Variants in LIG1 observed in about 807,000 individuals in gnomAD.
LIG1 encodes DNA ligase 1, also known as ligase I, DNA, ATP-dependent.
Under a neutral mutation model 115.7 loss-of-function variants are expected in LIG1, and 70 were observed. That is an observed-to-expected ratio of 0.60 (90% CI 0.50 to 0.74). LIG1 has a LOEUF of 0.74. Ranked by LOEUF, LIG1 falls within the 30% of genes least tolerant of loss-of-function variation. The pLI is 0.00. For synonymous variants in LIG1, 487 were observed against 495.3 expected, an observed-to-expected ratio of 0.98 and a Z score of 0.22; for missense variants, 1,115 against 1,225.6, an observed-to-expected ratio of 0.91 and a Z score of 1.35.
intron 26 of LIG1, among the ~76,000 whole-genome samples, chr19:48,116,543 T>C (rs2032847968): frequency 6.6e-6 from 1 of 151,870 alleles, no homozygotes; most frequent in African/African-American, 2.4e-5. Context: ...GGGTATGGGT[T>C]CTAGAATCTG....
intron 16 of LIG1, among the ~76,000 whole-genome samples, chr19:48,135,383 A>C (rs1379085294): frequency 1.3e-5 from 2 of 152,066 alleles, no homozygotes; most frequent in Non-Finnish European, 2.9e-5. Flanking sequence ...TCAGGCTCCC[A>C]AGTGCTGGGA....
chr19:48,123,559 G>A, intron 21 of LIG1: 2 of 576,024 alleles, frequency 3.5e-6, no homozygotes, highest in South Asian at 4.1e-5. Flanking sequence ...ATCAGACGGG[G>A]GGCTGCGGCC....
chr19:48,167,848 A>C (rs1278557868), intron 1 of LIG1, among the ~76,000 whole-genome samples: 1 of 151,012 alleles, frequency 6.6e-6, no homozygotes, highest in Non-Finnish European at 1.5e-5. Context: ...AAAAAAAAAA[A>C]AACAAACAAA....
rs145044234 is a variant in LIG1 at position 48,156,608 on chromosome 19, G to T, written c.370+406C>A. Among the ~76,000 whole-genome samples, 310 of 152,300 alleles carry T rather than the reference G, an allele frequency of 2.0e-3. 3 individuals are homozygous for T. Among genetic ancestry groups the T allele is most frequent in the African/African-American group, 7.2e-3 (301 of 41,572 alleles). The stretch of plus-strand genomic sequence containing the variant: ...CCACAACACTAAGACCAGAGCTGTT[G>T]TAAGGATGACTACCTTGGATGGGAA... On this transcript the variant is annotated intron_variant, in intron 5 of 27. Coordinates refer to ENST00000263274, the MANE Select transcript of LIG1 (RefSeq NM_000234.3).
In LIG1 at chr19:48,170,341, G is replaced by A. The variant is rs745981830; in HGVS notation, c.-158C>T. 4.8e-4 allele frequency: 211 copies of A among 437,194 alleles called. 1 individual carries two copies. The highest frequency in any genetic ancestry group is 8.3e-4 in the Non-Finnish European group (181 of 217,788). 27.1% of individuals were successfully genotyped at this position (437,194 alleles called of 1,614,324 possible). ...CGCGCCACGGCATTCGCGCGCAGAC[G>A]TCTGCGGGCGGGGGCGGGGCAGAGC... On this transcript the variant is annotated 5_prime_UTR_variant, in exon 1 of 28. It adds an upstream start codon to the 5' untranslated region. Coordinates refer to ENST00000263274, the MANE Select transcript of LIG1 (RefSeq NM_000234.3).
chr19:48,151,505 C>T (rs576011809), intron 6 of LIG1, 166 bp from the exon 7 acceptor site: 2 of 554,764 alleles, frequency 3.6e-6, no homozygotes, highest in South Asian at 1.8e-5. Context: ...TCTTGGCTCA[C>T]TGCAACCTCT....
At chr19:48,123,854 TAA>T (rs1555766307) in intron 21 of LIG1, among the ~76,000 whole-genome samples, 6 of 137,236 alleles carry the variant, frequency 4.4e-5, no homozygotes, top group African/African-American at 1.0e-4. Flanking sequence ...CCAAGATAAT[TAA>T]AAAAAAAAAA....
intron 4 of LIG1, 58 bp downstream of exon 4, chr19:48,161,314 A>G (rs1440756126): frequency 1.2e-6 from 2 of 1,611,572 alleles, no homozygotes; most frequent in African/African-American, 2.7e-5. Context: ...ACTCTGTTCC[A>G]AAGGTTAATG....
intron 21 of LIG1, among the ~76,000 whole-genome samples, chr19:48,124,347 C>T (rs1042193664): frequency 2.0e-4 from 30 of 152,214 alleles, no homozygotes; most frequent in African/African-American, 5.5e-4. Context: ...CCCAGCCACA[C>T]GCTTCCTAGC....
At chr19:48,157,794 G>T (rs1033664822) in intron 4 of LIG1, among the ~76,000 whole-genome samples, 2 of 152,130 alleles carry the variant, frequency 1.3e-5, no homozygotes, top group African/African-American at 4.8e-5. Flanking sequence ...CGATCCTCCC[G>T]CCTTGGCCTC....
intron 4 of LIG1, among the ~76,000 whole-genome samples, chr19:48,157,693 C>T (rs148349839): frequency 0.042 from 6,374 of 152,150 alleles, 316 homozygotes; most frequent in African/African-American, 0.11. Context: ...AACAGGCGCC[C>T]GCCACCACGC....
chr19:48,137,862 C>T lies in LIG1; in HGVS notation c.1088-174G>A. 2 of 755,498 alleles carry T rather than the reference C, an allele frequency of 2.6e-6. No homozygotes were observed. Among genetic ancestry groups the T allele is most frequent in the South Asian group, 1.7e-5 (1 of 59,176 alleles). The allele number at this position is 755,498 out of a possible 1,614,324, so 46.8% of individuals were successfully genotyped here. A position where few individuals can be genotyped will look rare whatever the true frequency, so the allele number is the denominator to read the frequency against. ...TAGAAATGGCTTGGGGAACGTGCCC[C>T]CAGCCACGCTGGCTGTAGGAAGTCA... On this transcript the variant is annotated intron_variant, in intron 12 of 27. Transcript: ENST00000263274. The surrounding 1 kb of genome is among the most constrained non-coding windows in gnomAD (Gnocchi z 4.3).
At position 48,145,063 on chromosome 19, in the gene LIG1, A is replaced by G. The variant is rs187333974; in HGVS notation, c.777-1100T>C. ...GCTAGGACTACAGGTGCAAGCAACC[A>G]TGCCCGACTGATCTTTGTAGAGATG... On this transcript the variant is annotated intron_variant, in intron 9 of 27. Coordinates refer to ENST00000263274, the MANE Select transcript of LIG1 (RefSeq NM_000234.3). 2.6e-5 allele frequency among the ~76,000 whole-genome samples: 4 copies of G among 152,314 alleles called. No individual in the cohort carries two copies. In the East Asian group the frequency reaches 7.7e-4, roughly 29 times the overall value.
At chr19:48,133,160 AGAG>A (rs1180432593) in intron 17 of LIG1, 63 bp from the exon 18 acceptor site, 10 of 1,059,986 alleles carry the variant, frequency 9.4e-6, no homozygotes, top group East Asian at 2.4e-5. Flanking sequence ...GGGAACATGG[AGAG>A]GAGAACTGCT....
chr19:48,163,044 A>T (rs2123042590), intron 2 of LIG1, among the ~76,000 whole-genome samples: 1 of 151,372 alleles, frequency 6.6e-6, no homozygotes, highest in South Asian at 2.1e-4. Context: ...CCTCCCGAGT[A>T]GCTGGGATTA....
At position 48,137,317 on chromosome 19, in the gene LIG1, G is replaced by A. The variant is rs2034453761; in HGVS notation, c.1254+205C>T. On this transcript the variant is annotated intron_variant, in intron 13 of 27. Coordinates refer to ENST00000263274, the MANE Select transcript of LIG1 (RefSeq NM_000234.3). The surrounding 1 kb of genome is among the most constrained non-coding windows in gnomAD (Gnocchi z 4.3). ...AAGTATTTACTGAGTCCTGTCATGT[G>A]GCAGCCATGGCATTAGGTCTGCTAG... is the stretch of plus-strand genomic sequence containing the variant. 6.6e-6 allele frequency among the ~76,000 whole-genome samples: 1 copy of A among 152,226 alleles called. No homozygotes were observed. The highest frequency in any genetic ancestry group is 2.4e-5 in the African/African-American group (1 of 41,474).
chr19:48,159,581 T>C (rs2036053123), intron 4 of LIG1, among the ~76,000 whole-genome samples: 1 of 152,236 alleles, frequency 6.6e-6, no homozygotes, highest in South Asian at 2.1e-4. Context: ...GGGATTACCC[T>C]GGACTATCCA....
rs1568569019 is a variant in LIG1, at chr19:48,170,258, C to A, written c.-75G>T. 2 of 455,216 alleles carry A rather than the reference C, an allele frequency of 4.4e-6. No individual in the cohort carries two copies. Among genetic ancestry groups the A allele is most frequent in the Middle Eastern group, 3.3e-4 (1 of 3,064 alleles). The allele number at this position is 455,216 out of a possible 1,614,324, so 28.2% of individuals were successfully genotyped here. ...CCACTTGCCTTGCGTTGGTCCCGCGCGCCGCTGCCCGGGCAACACACTCAG... is the reference window on the plus strand; with the variant it reads ...CCACTTGCCTTGCGTTGGTCCCGCGAGCCGCTGCCCGGGCAACACACTCAG... On this transcript the variant is annotated 5_prime_UTR_variant, in exon 1 of 28. Coordinates refer to ENST00000263274, the MANE Select transcript of LIG1 (RefSeq NM_000234.3).
chr19:48,160,835 C>A (rs1024276325), intron 4 of LIG1, among the ~76,000 whole-genome samples: 3 of 151,830 alleles, frequency 2.0e-5, no homozygotes, highest in Non-Finnish European at 4.4e-5. Flanking sequence ...CGGGCTCAAG[C>A]GATCCTCCTG....
Sources: gnomAD v4.1 joint callset for allele counts (sites outside exome capture counted in the v4.1 genomes callset) on GRCh38, gnomAD v4.1.1 for gene constraint, Gnocchi (gnomAD v3.1) non-coding constraint, MANE v1.5 for transcripts, NCBI Gene and HGNC (gene_info 2026-07-23, HGNC 2026-07-21) for gene names.